Variants in CFAP65 observed in about 807,000 individuals in gnomAD.
CFAP65 encodes the protein cilia and flagella associated protein 65, also known as cilia- and flagella-associated protein 65.
CFAP65 carries 155 observed loss-of-function variants against 208.0 expected under a neutral mutation model. The ratio of observed to expected loss-of-function variants is 0.75; its 90% CI spans 0.65 to 0.85. The LOEUF (loss-of-function observed/expected upper bound fraction) is 0.85, where lower values mean the gene tolerates loss of function less well. Ranked by LOEUF, CFAP65 falls within the 40% of genes least tolerant of loss-of-function variation. The probability of loss-of-function intolerance (pLI) is 0.00; values close to 1 mark genes in which losing one functional copy is unlikely to be tolerated. For missense variants in CFAP65, 2,294 were observed against 2,451.3 expected (o/e 0.94, Z 1.36); for synonymous variants, 970 against 986.3 (o/e 0.98, Z 0.31).
rs1217126855 is a variant in CFAP65, at chr2:219,021,928, T to C, written c.2982A>G (p.Ala994=). ...TCCCAAAGGCCAGCTCCTTTTCCTTTGCCTGGAGGCCACAGTCAGCCAGCC... is the reference window on the plus strand; with the variant it reads ...TCCCAAAGGCCAGCTCCTTTTCCTTCGCCTGGAGGCCACAGTCAGCCAGCC... ...VGVGLTSSLS[A]KEKELAFGNV... is the part of the protein sequence containing the mutation. Residue 994 remains alanine, a splice_region_variant and synonymous_variant, in exon 18 of 35, where the codon GCA becomes GCG. Coordinates refer to ENST00000341552, the MANE Select transcript of CFAP65 (RefSeq NM_194302.4). 1 of 1,613,306 alleles carries C rather than the reference T, an allele frequency of 6.2e-7. No homozygotes were observed.
In CFAP65 at chr2:219,019,035, C is replaced by A; in HGVS notation, c.3602+16G>T. The A allele has an allele frequency of 1.9e-6, 3 of 1,614,116 alleles. No homozygotes were observed. Among genetic ancestry groups the A allele is most frequent in the Non-Finnish European group, 2.5e-6 (3 of 1,180,000 alleles). On this transcript the variant is annotated intron_variant, in intron 21 of 34. Coordinates refer to ENST00000341552, the MANE Select transcript of CFAP65 (RefSeq NM_194302.4). ...CTTGTCTCCCAGGCCCCCCAGTGGCCCCCTTCAAGCCATACCAGTCCAGGG... is the reference window on the plus strand; with the variant it reads ...CTTGTCTCCCAGGCCCCCCAGTGGCACCCTTCAAGCCATACCAGTCCAGGG...
At position 219,024,142 on chromosome 2, in the gene CFAP65, C is replaced by G. The variant is rs374958187; in HGVS notation, c.2468G>C (p.Arg823Pro). 1 of 1,613,866 alleles carries G rather than the reference C, an allele frequency of 6.2e-7. No homozygotes were observed. The highest frequency in any genetic ancestry group is 8.5e-7 in the Non-Finnish European group (1 of 1,180,030). ...GGGTGCCACAAGGCCCGAAGTGGGC[C>G]GAAGGATGACGTCTGAGCCTCTCTG... ...APQRGSDVIL[R>P]PTSGLVAPGA... Residue 823 changes from arginine to proline, a missense_variant, in exon 15 of 35, where the codon CGG becomes CCG. Arg to Pro is a moderately radical substitution (Grantham distance 103). Around this residue, in one of 2 missense-constraint regions of CFAP65, gnomAD observed 1,427 missense variants for 1,438.7 expected, o/e 0.99. Coordinates refer to ENST00000341552, the MANE Select transcript of CFAP65 (RefSeq NM_194302.4).
At position 219,013,363 on chromosome 2, in the gene CFAP65, A is replaced by C; in HGVS notation, c.3853T>G (p.Phe1285Val). The C allele has an allele frequency of 1.2e-6, 2 of 1,612,176 alleles. No individual in the cohort carries two copies. The change falls in exon 24 of 35, where the codon TTC becomes GTC. Residue 1285 changes from phenylalanine to valine, a missense_variant. Physicochemically the swap from Phe to Val is conservative, Grantham distance 50. Transcript: ENST00000341552. ...TCCGGCTTCACTGTCACACCTATGAAATTTAGCTGGAAATAAAAGTTCCCC... is the reference window on the plus strand; with the variant it reads ...TCCGGCTTCACTGTCACACCTATGACATTTAGCTGGAAATAAAAGTTCCCC... ...VSHGREILLN[F>V]IGVTVKPEQK...
In CFAP65 at chr2:219,004,480, G is replaced by A. The variant is rs765834442; in HGVS notation, c.5052-25C>T. ...CCTAGGTGGCAGGGAGAAGGAGAAG[G>A]CCCTTGCTGAGGGGCCCTGAAGCCC... On this transcript the variant is annotated intron_variant, in intron 32 of 34. Transcript: ENST00000341552. This position sits in a 1 kb window ranked among gnomAD's most constrained non-coding sequence, Gnocchi z 4.7. 6.3e-7 allele frequency: 1 copy of A among 1,577,754 alleles called. No homozygotes were observed. Among genetic ancestry groups the A allele is most frequent in the Admixed American group, 1.8e-5 (1 of 56,016 alleles).
Position 219,003,337 on chromosome 2 carries a change from T to C in CFAP65, c.5556-65A>G. ...GCCCGCGCGCCTCCTCGCTCGCCTGTCCGTGCGGTACATTGTGCCGCGAGC... is the reference window on the plus strand; with the variant it reads ...GCCCGCGCGCCTCCTCGCTCGCCTGCCCGTGCGGTACATTGTGCCGCGAGC... On this transcript the variant is annotated intron_variant, in intron 33 of 34. Transcript: ENST00000341552. This position sits in a 1 kb window ranked among gnomAD's most constrained non-coding sequence, Gnocchi z 4.4. 3 of 1,468,292 alleles carry C rather than the reference T, an allele frequency of 2.0e-6. No homozygotes were observed. The highest frequency in any genetic ancestry group is 1.4e-5 in the African/African-American group (1 of 70,702). 91.0% of individuals were successfully genotyped at this position (1,468,292 alleles called of 1,614,324 possible).
At chr2:219,022,117 C>A in intron 17 of CFAP65, 54 bp downstream of exon 17, 1 of 1,517,788 alleles carries the variant, frequency 6.6e-7, no homozygotes, top group Non-Finnish European at 8.8e-7. Flanking sequence ...GCCTTCCCTC[C>A]CACCTGTCCG....
Position 219,024,316 on chromosome 2 carries a change from C to T in CFAP65, c.2350-56G>A, listed in dbSNP as rs1947474488. 6 of 1,563,310 alleles carry T rather than the reference C, an allele frequency of 3.8e-6. No individual in the cohort carries two copies. The South Asian group carries it at 7.3e-5, about 19-fold the overall frequency. On this transcript the variant is annotated intron_variant, in intron 14 of 34. Coordinates refer to ENST00000341552, the MANE Select transcript of CFAP65 (RefSeq NM_194302.4). The stretch of plus-strand genomic sequence containing the variant: ...CCGCTCAGACCTCCACCCTGGGACA[C>T]ACACTCAGGGCCCTATGGGGGCTTG...
intron 19 of CFAP65, 49 bp from the exon 20 acceptor site, chr2:219,019,768 C>A: frequency 6.6e-7 from 1 of 1,521,994 alleles, no homozygotes. Flanking sequence ...TCCCACCTTC[C>A]CTGGAGGGGG....
intron 16 of CFAP65, among the ~76,000 whole-genome samples, chr2:219,022,651 T>C (rs1002148253): frequency 1.3e-4 from 20 of 152,194 alleles, no homozygotes; most frequent in Non-Finnish European, 5.9e-5. Flanking sequence ...CTCCACAGGC[T>C]ATGAGGCCTC....
chr2:219,037,192 C>T (rs1948416395), intron 4 of CFAP65, among the ~76,000 whole-genome samples: 1 of 152,042 alleles, frequency 6.6e-6, no homozygotes, highest in African/African-American at 2.4e-5. Context: ...GAGTTCGAGA[C>T]CAGCCTGGCC....
At position 219,021,114 on chromosome 2, in the gene CFAP65, C is replaced by T. The variant is rs200084923; in HGVS notation, c.3259+38G>A. The T allele has an allele frequency of 1.6e-5, 24 of 1,466,832 alleles. No homozygotes were observed. The East Asian group carries it at 4.5e-4, about 28-fold the overall frequency. 90.9% of individuals were successfully genotyped at this position (1,466,832 alleles called of 1,614,324 possible). ...AGCCCTCCCCCTTCATCCTGCATTT[C>T]CCCGGCCCCGACTCTCTATGCCAGG... On this transcript the variant is annotated intron_variant, in intron 19 of 34. Coordinates refer to ENST00000341552, the MANE Select transcript of CFAP65 (RefSeq NM_194302.4).
intron 14 of CFAP65, among the ~76,000 whole-genome samples, chr2:219,024,805 G>A (rs900012625): frequency 1.3e-5 from 2 of 152,124 alleles, no homozygotes; most frequent in East Asian, 1.9e-4. Flanking sequence ...TTGTAGTGGC[G>A]TGCATCTGTA....
chr2:219,017,821 A>C lies in CFAP65; in HGVS notation c.3602+1230T>G, dbSNP rs533596088. Among the ~76,000 whole-genome samples, 53 of 152,342 alleles carry C rather than the reference A, an allele frequency of 3.5e-4. 1 individual carries two copies. The South Asian group carries it at 0.011, about 31-fold the overall frequency. Reference sequence around the variant, plus strand: ...TAGGGCCTGGCTCCGGGCCCACTCAAAGAGCCCAGTGAATGGCAGGTCTGG... The same window carrying C: ...TAGGGCCTGGCTCCGGGCCCACTCACAGAGCCCAGTGAATGGCAGGTCTGG... On this transcript the variant is annotated intron_variant, in intron 21 of 34. Coordinates refer to ENST00000341552, the MANE Select transcript of CFAP65 (RefSeq NM_194302.4).
At position 219,006,074 on chromosome 2, in the gene CFAP65, G is replaced by T. The variant is rs766570861; in HGVS notation, c.4869C>A (p.Thr1623=). The T allele has an allele frequency of 6.2e-7, 1 of 1,613,514 alleles. No individual in the cohort carries two copies. Among genetic ancestry groups the T allele is most frequent in the Admixed American group, 1.7e-5 (1 of 60,030 alleles). The change falls in exon 31 of 35, where the codon ACC becomes ACA. Residue 1623 remains threonine (T), a synonymous_variant. Coordinates refer to ENST00000341552, the MANE Select transcript of CFAP65 (RefSeq NM_194302.4). The stretch of plus-strand genomic sequence containing the variant: ...AGAAGAAGTTAGCCAGAAAGTAGTC[G>T]GTGGCATGGGCTCGGGCAGTAAGGC... ...CLGLTARAHA[T]DYFLANFFSE...
In CFAP65 at chr2:219,030,014, G is replaced by A. The variant is rs200892571; in HGVS notation, c.1356C>T (p.Thr452=). The part of the protein sequence containing the change: ...SIMPSGCASK[T]LLKVVGFCRG... ...TACAGAAACCAACGACTTTAAGCAGGGTCTTGGAGGCACAGCCAGAAGGCA... is the reference window on the plus strand; with the variant it reads ...TACAGAAACCAACGACTTTAAGCAGAGTCTTGGAGGCACAGCCAGAAGGCA... The change falls in exon 10 of 35, where the codon ACC becomes ACT. Residue 452 remains threonine, a synonymous_variant. Coordinates refer to ENST00000341552, the MANE Select transcript of CFAP65 (RefSeq NM_194302.4). 4 of 1,613,924 alleles carry A rather than the reference G, an allele frequency of 2.5e-6. No homozygotes were observed. Among genetic ancestry groups the A allele is most frequent in the East Asian group, 2.2e-5 (1 of 44,862 alleles).
rs1381541729 is a variant in CFAP65 at position 219,035,591 on chromosome 2, C to A, written c.431G>T (p.Gly144Val). The A allele has an allele frequency of 1.2e-6, 2 of 1,613,958 alleles. No individual in the cohort carries two copies. The highest frequency in any genetic ancestry group is 1.3e-5 in the African/African-American group (1 of 74,858). ...QERVNKRVIW[G>V]IEVAEELHWK... ...ATGCAGCTCCTCAGCCACCTCAATGCCCCAGATGACCCTCTTGTTCACTCT... is the reference window on the plus strand; with the variant it reads ...ATGCAGCTCCTCAGCCACCTCAATGACCCAGATGACCCTCTTGTTCACTCT... Residue 144 changes from glycine to valine, a missense_variant, in exon 5 of 35, where the codon GGC becomes GTC. Physicochemically the swap from Gly to Val is moderately radical, Grantham distance 109. Coordinates refer to ENST00000341552, the MANE Select transcript of CFAP65 (RefSeq NM_194302.4).
At position 219,021,934 on chromosome 2, in the gene CFAP65, G is replaced by A. The variant is rs750573186; in HGVS notation, c.2980-4C>T. 1.2e-6 allele frequency: 2 copies of A among 1,613,156 alleles called. No homozygotes were observed. Among genetic ancestry groups the A allele is most frequent in the Non-Finnish European group, 8.5e-7 (1 of 1,179,926 alleles). On this transcript the variant is annotated splice_polypyrimidine_tract_variant and splice_region_variant and intron_variant, in intron 17 of 34. Transcript: ENST00000341552. ...AGGCCAGCTCCTTTTCCTTTGCCTGGAGGCCACAGTCAGCCAGCCGGGAGT... is the reference window on the plus strand; with the variant it reads ...AGGCCAGCTCCTTTTCCTTTGCCTGAAGGCCACAGTCAGCCAGCCGGGAGT...
intron 5 of CFAP65, chr2:219,035,271 G>C: frequency 6.2e-6 from 9 of 1,449,060 alleles, no homozygotes; most frequent in Admixed American, 2.6e-5. Context: ...AATACATTAT[G>C]GTACAGGCAC....
chr2:219,003,216 A>T lies in CFAP65; in HGVS notation c.5612T>A (p.Ile1871Asn). The change falls in exon 34 of 35, where the codon ATC (isoleucine) becomes AAC (asparagine). Residue 1871 changes from isoleucine (I) to asparagine (N), a missense_variant. This residue lies in a region of CFAP65 where 1,427 missense variants were observed against 1,438.7 expected (regional missense o/e 0.99). Transcript: ENST00000341552. The surrounding 1 kb of genome is among the most constrained non-coding windows in gnomAD (Gnocchi z 4.4). ...EALLENMIQN[I>N]LVEASRGEVV... The stretch of plus-strand genomic sequence containing the variant: ...CTCCCCGCGGCTCGCCTCCACCAGG[A>T]TGTTCTGGATCATGTTCTCCAGCAG... 6.5e-7 allele frequency: 1 copy of T among 1,548,714 alleles called. No homozygotes were observed.
Sources: gnomAD v4.1 joint callset for allele counts (sites outside exome capture counted in the v4.1 genomes callset) on GRCh38, gnomAD v4.1.1 for gene constraint, gnomAD v4.1.1 regional missense constraint, Gnocchi (gnomAD v3.1) non-coding constraint, MANE v1.5 for transcripts, NCBI Gene and HGNC (gene_info 2026-07-23, HGNC 2026-07-21) for gene names.